SDK1: variants seen among roughly 807,000 people sequenced by gnomAD.
The protein encoded by SDK1 is sidekick cell adhesion molecule 1.
A neutral mutation model predicts 245.5 loss-of-function variants in SDK1; 157 were observed. The observed-to-expected ratio is 0.64, with a 90% CI of 0.56 to 0.73. The LOEUF (loss-of-function observed/expected upper bound fraction) is 0.73. Among genes scored for constraint, SDK1 ranks in the 30% least tolerant of loss-of-function variants. The pLI is 0.00. For missense variants in SDK1, 3,583 were observed against 3,002.3 expected, an observed-to-expected ratio of 1.19 and a Z score of -4.52; for synonymous variants, 1,647 against 1,278.5, an observed-to-expected ratio of 1.29 and a Z score of -6.15.
chr7:3,626,567 G>C (rs1309909112), intron 2 of SDK1, among the ~76,000 whole-genome samples: 1 of 152,194 alleles, frequency 6.6e-6, no homozygotes, highest in Non-Finnish European at 1.5e-5. Flanking sequence ...TAGTTGCCTT[G>C]CCTTTGTAGG....
At chr7:3,639,219 C>G (rs1051636933) in intron 3 of SDK1, 109 bp downstream of exon 3, 81 of 581,936 alleles carry the variant, frequency 1.4e-4, no homozygotes, top group Non-Finnish European at 1.7e-4. Flanking sequence ...ATCTTTGGTT[C>G]TATTTTGAGT....
intron 1 of SDK1, among the ~76,000 whole-genome samples, chr7:3,393,664 A>G (rs1781818759): frequency 1.3e-5 from 2 of 152,152 alleles, no homozygotes; most frequent in African/African-American, 4.8e-5. Context: ...CTTCAGTTAC[A>G]TTTTTCAACT....
intron 5 of SDK1, among the ~76,000 whole-genome samples, chr7:3,899,331 C>G (rs1368593853): frequency 6.6e-6 from 1 of 152,118 alleles, no homozygotes; most frequent in Non-Finnish European, 1.5e-5. Flanking sequence ...TCTTTCATAT[C>G]TCCCCATCAT....
At chr7:3,524,810 GA>G (rs938222958) in intron 1 of SDK1, among the ~76,000 whole-genome samples, 4 of 151,780 alleles carry the variant, frequency 2.6e-5, no homozygotes, top group African/African-American at 9.7e-5. Flanking sequence ...GTCCAGATTA[GA>G]AAAAAAATTG....
At chr7:3,707,492 G>A (rs1033882343) in intron 4 of SDK1, among the ~76,000 whole-genome samples, 4 of 152,216 alleles carry the variant, frequency 2.6e-5, no homozygotes, top group Non-Finnish European at 4.4e-5. Flanking sequence ...CTTGGAGACT[G>A]TTCCATATGC....
At chr7:3,543,512 C>T (rs1779115867) in intron 1 of SDK1, among the ~76,000 whole-genome samples, 1 of 152,208 alleles carries the variant, frequency 6.6e-6, no homozygotes, top group Admixed American at 6.5e-5. Context: ...TGGTAATATC[C>T]TTGCAGGGGC....
At chr7:3,627,593 A>C (rs949810212) in intron 2 of SDK1, among the ~76,000 whole-genome samples, 12 of 152,240 alleles carry the variant, frequency 7.9e-5, no homozygotes, top group African/African-American at 2.7e-4. Flanking sequence ...CTGAGGGCTC[A>C]GCATCAGTCT....
chr7:3,956,921 C>T (rs1373027272), intron 7 of SDK1, among the ~76,000 whole-genome samples: 2 of 152,130 alleles, frequency 1.3e-5, no homozygotes, highest in East Asian at 1.9e-4. Context: ...AGGGAAGCCT[C>T]GGGGGACTGT....
intron 4 of SDK1, among the ~76,000 whole-genome samples, chr7:3,691,611 A>T (rs926754115): frequency 7.2e-6 from 1 of 139,434 alleles, no homozygotes; most frequent in East Asian, 2.1e-4. Context: ...GAAAAATATG[A>T]TTATCTACCA....
intron 1 of SDK1, among the ~76,000 whole-genome samples, chr7:3,367,958 C>G (rs993076853): frequency 5.3e-5 from 8 of 152,198 alleles, no homozygotes; most frequent in Admixed American, 5.2e-4. Context: ...GTTGATGGAG[C>G]TTGACTCTCT....
In SDK1 at chr7:4,233,264, TA is replaced by T; in HGVS notation, c.5838del (p.Leu1946PhefsTer6). The part of the protein sequence containing the change: ...VIEARPSDEG[L>X]WDMFVKDIPR... ...CCCATCCCTCTTGCAGATGAAGGCTTATGGGACATGTTTGTGAAGGACATCC... is the reference window on the plus strand; with the variant it reads ...CCCATCCCTCTTGCAGATGAAGGCTTTGGGACATGTTTGTGAAGGACATCC... On this transcript the variant is annotated frameshift_variant, in exon 41 of 45. Coordinates refer to ENST00000404826, the MANE Select transcript of SDK1 (RefSeq NM_152744.4). LOFTEE classifies it high-confidence loss of function. 6.2e-7 allele frequency: 1 copy of T among 1,613,588 alleles called. No homozygotes were observed. The highest frequency in any genetic ancestry group is 8.5e-7 in the Non-Finnish European group (1 of 1,179,900).
At chr7:4,083,546 C>CTCCCTCCCCCCCTCCCTCCCTTCA (rs1781203565) in intron 22 of SDK1, among the ~76,000 whole-genome samples, 1 of 93,138 alleles carries the variant, frequency 1.1e-5, no homozygotes, top group Non-Finnish European at 2.1e-5. Flanking sequence ...CCCTCCCTCC[C>CTCCCTCCCCCCCTCCCTCCCTTCA]TCCCTCCCTC....
rs371448028 is a variant in SDK1 at position 4,174,877 on chromosome 7, G to A, written c.4936+520G>A. ...TCTAGAACCCTGGAGAGGGACGGCT[G>A]CCCTGCCCGTTCCCACCCCTCCTCT... On this transcript the variant is annotated intron_variant, in intron 33 of 44. Coordinates refer to ENST00000404826, the MANE Select transcript of SDK1 (RefSeq NM_152744.4). Among the ~76,000 whole-genome samples the A allele has an allele frequency of 9.2e-5, 14 of 152,312 alleles. No homozygotes were observed. In the East Asian group the frequency reaches 2.5e-3, roughly 27 times the overall value.
chr7:3,376,565 A>C (rs1306873289), intron 1 of SDK1, among the ~76,000 whole-genome samples: 2 of 152,242 alleles, frequency 1.3e-5, no homozygotes, highest in Non-Finnish European at 2.9e-5. Context: ...GAGAGGTCAC[A>C]TTGTATTTAC....
chr7:3,612,973 T>A (rs1006838178), intron 1 of SDK1, among the ~76,000 whole-genome samples: 3 of 151,934 alleles, frequency 2.0e-5, no homozygotes, highest in African/African-American at 7.3e-5. Flanking sequence ...TATTTCTTTA[T>A]TCATTATCTC....
intron 1 of SDK1, among the ~76,000 whole-genome samples, chr7:3,404,296 T>G (rs1778994833): frequency 6.6e-6 from 1 of 152,178 alleles, no homozygotes. Context: ...TGTTTCTGTG[T>G]ATATTTAAAT....
intron 5 of SDK1, among the ~76,000 whole-genome samples, chr7:3,844,797 T>C (rs1780237240): frequency 6.6e-6 from 1 of 152,228 alleles, no homozygotes. Flanking sequence ...GTGCTGCTGA[T>C]TCAGCCTGAT....
intron 18 of SDK1, among the ~76,000 whole-genome samples, chr7:4,051,390 T>C (rs1789465275): frequency 6.6e-6 from 1 of 150,684 alleles, no homozygotes; most frequent in Non-Finnish European, 1.5e-5. Flanking sequence ...ATTATTCTAA[T>C]ATGAGTTAAG....
intron 17 of SDK1, among the ~76,000 whole-genome samples, chr7:4,021,603 G>C (rs1786900928): frequency 6.6e-6 from 1 of 152,182 alleles, no homozygotes; most frequent in Non-Finnish European, 1.5e-5. Flanking sequence ...TCACAAGCCT[G>C]CTGCTGCAGT....
Sources: allele counts gnomAD v4.1 joint callset (sites outside exome capture counted in the v4.1 genomes callset), GRCh38; gene constraint gnomAD v4.1.1; transcripts MANE v1.5; gene names NCBI Gene and HGNC (gene_info 2026-07-23, HGNC 2026-07-21).